Variants in USO1 observed in about 807,000 individuals in gnomAD.
The protein encoded by USO1 is general vesicular transport factor p115.
Under a neutral mutation model 124.5 loss-of-function variants are expected in USO1, and 57 were observed. The ratio of observed to expected loss-of-function variants is 0.46; its 90% confidence interval spans 0.37 to 0.57. The LOEUF (loss-of-function observed/expected upper bound fraction) is 0.57, where lower values mean the gene tolerates loss of function less well. Among genes scored for constraint, USO1 ranks in the 20% least tolerant of loss-of-function variants. USO1 has a pLI of 0.00. For synonymous variants in USO1, 369 were observed against 362.8 expected (o/e 1.02, Z -0.19); for missense variants, 900 against 1,040.6 (o/e 0.86, Z 1.86).
At chr4:75,745,354 C>T (rs1397691230) in intron 1 of USO1, 1 of 519,800 alleles carries the variant, frequency 1.9e-6, no homozygotes, top group African/African-American at 1.9e-5. Context: ...GTTTAGTAGA[C>T]AGTTGTGCAA....
intron 1 of USO1, among the ~76,000 whole-genome samples, chr4:75,743,593 G>T (rs17000794): frequency 0.14 from 21,301 of 152,058 alleles, 2,582 homozygotes; most frequent in African/African-American, 0.32. Flanking sequence ...CTGGTTCTCT[G>T]CTATTTTCCC....
intron 1 of USO1, 91 bp downstream of exon 1, chr4:75,724,976 C>T: frequency 7.0e-6 from 10 of 1,424,662 alleles, no homozygotes; most frequent in Non-Finnish European, 8.7e-6. Context: ...CCTCCAGCGT[C>T]CCACCATGGA....
intron 1 of USO1, among the ~76,000 whole-genome samples, chr4:75,726,674 A>C (rs1720472722): frequency 6.6e-6 from 1 of 152,150 alleles, no homozygotes; most frequent in African/African-American, 2.4e-5. Flanking sequence ...TCTGTCTCTC[A>C]CTGTAACACA....
chr4:75,782,323 T>C (rs916347380), intron 8 of USO1, among the ~76,000 whole-genome samples: 2 of 152,230 alleles, frequency 1.3e-5, no homozygotes, highest in African/African-American at 4.8e-5. Context: ...AGACAAACAC[T>C]ACCTAATAAT....
intron 4 of USO1, chr4:75,770,202 A>G (rs1430300542): frequency 7.3e-6 from 2 of 273,654 alleles, no homozygotes; most frequent in Non-Finnish European, 1.3e-5. Flanking sequence ...GTATTTAAGT[A>G]TCCTTTTTTT....
In USO1 at chr4:75,736,307, CTTTTTTTTTTT is replaced by C. The variant is rs775201813; in HGVS notation, c.66+11440_66+11450del. ...CTGTTTATTGTGTTCTACAGCTTACCTTTTTTTTTTTTTTTTTTTTTTTTTTTTGAGGCAAA... is the reference window on the plus strand; with the variant it reads ...CTGTTTATTGTGTTCTACAGCTTACCTTTTTTTTTTTTTTTTTGAGGCAAA... On this transcript the variant is annotated intron_variant, in intron 1 of 23. Coordinates refer to ENST00000514213, the MANE Select transcript of USO1 (RefSeq NM_003715.4). Among the ~76,000 whole-genome samples, 5 of 63,282 alleles carry C rather than the reference CTTTTTTTTTTT, an allele frequency of 7.9e-5. 1 individual carries two copies. Among genetic ancestry groups the C allele is most frequent in the Admixed American group, 7.3e-4 (4 of 5,498 alleles). The allele number at this position is 63,282 out of a possible 152,430, so 41.5% of individuals were successfully genotyped here.
chr4:75,728,218 G>GTT (rs57465783), intron 1 of USO1, among the ~76,000 whole-genome samples: 2 of 146,190 alleles, frequency 1.4e-5, no homozygotes, highest in East Asian at 2.0e-4. Flanking sequence ...CTGCTTTCTT[G>GTT]TTTTTTTTTT....
intron 10 of USO1, among the ~76,000 whole-genome samples, chr4:75,787,724 A>G (rs1459570153): frequency 6.6e-6 from 1 of 152,194 alleles, no homozygotes; most frequent in Non-Finnish European, 1.5e-5. Context: ...AACTGCCTTC[A>G]GCCTCAATTG....
At chr4:75,805,363 CTTT>C in intron 19 of USO1, 60 bp downstream of exon 19, 4 of 1,091,974 alleles carry the variant, frequency 3.7e-6, no homozygotes, top group East Asian at 3.4e-5. Context: ...ATTATCCTGC[CTTT>C]TTTTTTTTTC....
intron 13 of USO1, among the ~76,000 whole-genome samples, chr4:75,798,337 G>C (rs1722747635): frequency 6.6e-6 from 1 of 152,038 alleles, no homozygotes; most frequent in Non-Finnish European, 1.5e-5. Context: ...AAGTAATAAT[G>C]AACTTATATA....
Position 75,812,361 on chromosome 4 carries a change from G to C in USO1, c.2785G>C (p.Asp929His). 6.3e-7 allele frequency: 1 copy of C among 1,589,548 alleles called. No individual in the cohort carries two copies. The highest frequency in any genetic ancestry group is 8.6e-7 in the Non-Finnish European group (1 of 1,167,718). The stretch of plus-strand genomic sequence containing the variant: ...ACTGTCATTGAAGAATAAACTCAAG[G>C]ATCTTGGTCATCCAGTAAGATTAAA... The part of the protein sequence containing the change: ...KILSLKNKLK[D>H]LGHPVEEEDE... The change falls in exon 23 of 24, where the codon GAT becomes CAT. Residue 929 changes from aspartate to histidine, a missense_variant. Physicochemically the swap from Asp to His is moderately conservative, Grantham distance 81. Transcript: ENST00000514213.
intron 20 of USO1, among the ~76,000 whole-genome samples, chr4:75,807,911 C>A (rs553248106): frequency 6.6e-6 from 1 of 151,850 alleles, no homozygotes; most frequent in African/African-American, 2.4e-5. Flanking sequence ...TTTTAAGTGA[C>A]AGTTTTGTTT....
intron 11 of USO1, 45 bp from the exon 12 acceptor site, chr4:75,790,598 G>T: frequency 6.4e-7 from 1 of 1,573,740 alleles, no homozygotes; most frequent in Admixed American, 2.0e-5. Context: ...TTGTATACTT[G>T]GGTTGCAATG....
At chr4:75,778,359 T>C (rs1722128966) in intron 8 of USO1, among the ~76,000 whole-genome samples, 1 of 152,208 alleles carries the variant, frequency 6.6e-6, no homozygotes, top group South Asian at 2.1e-4. Flanking sequence ...ATATATTTAC[T>C]GTTCATTAAG....
At chr4:75,765,843 G>T (rs939323874) in intron 4 of USO1, among the ~76,000 whole-genome samples, 2 of 152,062 alleles carry the variant, frequency 1.3e-5, no homozygotes, top group Non-Finnish European at 2.9e-5. Context: ...TGAGTATTAG[G>T]CTTCCTTATG....
chr4:75,773,458 A>G (rs189690802), intron 7 of USO1, among the ~76,000 whole-genome samples: 1 of 152,312 alleles, frequency 6.6e-6, no homozygotes, highest in East Asian at 1.9e-4. Context: ...AAGATATTAC[A>G]TGAGTATACT....
chr4:75,766,619 A>G (rs944545040), intron 4 of USO1, among the ~76,000 whole-genome samples: 1 of 152,210 alleles, frequency 6.6e-6, no homozygotes, highest in African/African-American at 2.4e-5. Context: ...GGGGATGATG[A>G]TTTTGATGAT....
At chr4:75,795,357 G>T in intron 13 of USO1, 1 of 702,060 alleles carries the variant, frequency 1.4e-6, no homozygotes, top group South Asian at 1.5e-5. Flanking sequence ...CGACAGACGG[G>T]TATGTATCAC....
intron 13 of USO1, chr4:75,795,289 T>A (rs1430201902): frequency 1.4e-6 from 1 of 700,260 alleles, no homozygotes; most frequent in Non-Finnish European, 2.6e-6. Context: ...TTTAGACTTT[T>A]CTAAAGTAGT....
Sources: allele counts gnomAD v4.1 joint callset (sites outside exome capture counted in the v4.1 genomes callset), GRCh38; gene constraint gnomAD v4.1.1; transcripts MANE v1.5; gene names NCBI Gene and HGNC (gene_info 2026-07-23, HGNC 2026-07-21).